LPP: variants seen among roughly 807,000 people sequenced by gnomAD.
The protein encoded by LPP is lipoma-preferred partner.
In LPP, 38 loss-of-function variants were observed where a neutral mutation model predicts 60.4. The ratio of observed to expected loss-of-function variants is 0.63; its 90% CI spans 0.49 to 0.83. The LOEUF (loss-of-function observed/expected upper bound fraction) is 0.83. LPP is among the 40% of genes least tolerant of loss of function. The probability of loss-of-function intolerance (pLI) is 0.00; values close to 1 mark genes in which losing one functional copy is unlikely to be tolerated. For missense variants in LPP, 902 were observed against 783.6 expected (o/e 1.15, Z -1.80); for synonymous variants, 328 against 290.8 (o/e 1.13, Z -1.30).
chr3:188,758,405 C>T (rs978375720), intron 8 of LPP, among the ~76,000 whole-genome samples: 1 of 152,124 alleles, frequency 6.6e-6, no homozygotes, highest in East Asian at 1.9e-4. Context: ...AGGTGATCCA[C>T]CCACCTCGGC....
rs537248469 is a variant in LPP at position 188,590,321 on chromosome 3, C to G, written c.430-18840C>G. ...GGCGCTGTGGCTCATGCCTGTAATC[C>G]CAGTACTTTGGGAGGCCGAGGCGGG... is the stretch of plus-strand genomic sequence containing the variant. On this transcript the variant is annotated intron_variant, in intron 6 of 11. Coordinates refer to ENST00000617246, the MANE Select transcript of LPP (RefSeq NM_001375462.1). Among the ~76,000 whole-genome samples, 15 of 152,132 alleles carry G rather than the reference C, an allele frequency of 9.9e-5. No individual in the cohort carries two copies. In the East Asian group the frequency reaches 2.5e-3, roughly 25 times the overall value.
At chr3:188,320,985 C>G (rs1756771927) in intron 2 of LPP, among the ~76,000 whole-genome samples, 1 of 152,140 alleles carries the variant, frequency 6.6e-6, no homozygotes, top group African/African-American at 2.4e-5. Context: ...AATCCTTGGT[C>G]CTGTTTGATT....
chr3:188,645,426 A>C (rs1850929397), intron 7 of LPP, among the ~76,000 whole-genome samples: 1 of 152,074 alleles, frequency 6.6e-6, no homozygotes, highest in South Asian at 2.1e-4. Flanking sequence ...CTTCTTCATA[A>C]ATATGATTTT....
intron 4 of LPP, among the ~76,000 whole-genome samples, chr3:188,479,336 A>T (rs1247092351): frequency 6.6e-6 from 1 of 152,216 alleles, no homozygotes; most frequent in East Asian, 1.9e-4. Flanking sequence ...TGTCACTGCC[A>T]GTGCAGCCCA....
chr3:188,293,593 A>G (rs1435149500), intron 2 of LPP, among the ~76,000 whole-genome samples: 1 of 152,188 alleles, frequency 6.6e-6, no homozygotes, highest in African/African-American at 2.4e-5. Context: ...CTATCAAAAC[A>G]CTTGCTATTA....
At chr3:188,332,330 A>T (rs1016592022) in intron 2 of LPP, among the ~76,000 whole-genome samples, 1 of 152,192 alleles carries the variant, frequency 6.6e-6, no homozygotes, top group Admixed American at 6.5e-5. Context: ...ATTGCATGTC[A>T]CTTAACTCCT....
At chr3:188,542,299 A>G (rs886476192) in intron 6 of LPP, among the ~76,000 whole-genome samples, 1 of 152,222 alleles carries the variant, frequency 6.6e-6, no homozygotes, top group Non-Finnish European at 1.5e-5. Flanking sequence ...ATAAAGCGCT[A>G]TACAAAGATT....
chr3:188,325,560 A>G (rs1046797384), intron 2 of LPP, among the ~76,000 whole-genome samples: 1 of 152,142 alleles, frequency 6.6e-6, no homozygotes, highest in Non-Finnish European at 1.5e-5. Context: ...GGTTCTCTAA[A>G]AGAGTGATTA....
At chr3:188,441,609 C>CTTTTT (rs1004222826) in intron 4 of LPP, among the ~76,000 whole-genome samples, 110 of 55,584 alleles carry the variant, frequency 2.0e-3, no homozygotes, top group African/African-American at 4.7e-3. Flanking sequence ...CTTTTCTTTT[C>CTTTTT]TTTTTTTTTT....
At chr3:188,805,524 ATT>A (rs34665745) in intron 9 of LPP, among the ~76,000 whole-genome samples, 1 of 148,546 alleles carries the variant, frequency 6.7e-6, no homozygotes, top group African/African-American at 2.5e-5. Context: ...GTTTGTTGTG[ATT>A]TTTTTTTCAC....
chr3:188,395,011 T>G (rs1780580566), intron 3 of LPP, among the ~76,000 whole-genome samples: 1 of 152,198 alleles, frequency 6.6e-6, no homozygotes, highest in South Asian at 2.1e-4. Flanking sequence ...ATAATTTCTC[T>G]AGGCTCTTGG....
intron 5 of LPP, among the ~76,000 whole-genome samples, chr3:188,498,156 T>G (rs1182322424): frequency 1.3e-5 from 2 of 152,158 alleles, no homozygotes; most frequent in Non-Finnish European, 2.9e-5. Flanking sequence ...CTATGTTCTT[T>G]TTTTTCCCCC....
At chr3:188,394,929 G>T (rs1395048818) in intron 3 of LPP, among the ~76,000 whole-genome samples, 3 of 152,036 alleles carry the variant, frequency 2.0e-5, no homozygotes, top group Non-Finnish European at 4.4e-5. Context: ...ATGTGAAATT[G>T]CAAAACTAGC....
chr3:188,774,518 G>A (rs1737102660), intron 9 of LPP, among the ~76,000 whole-genome samples: 1 of 151,886 alleles, frequency 6.6e-6, no homozygotes, highest in Non-Finnish European at 1.5e-5. Flanking sequence ...AGCACCCAAA[G>A]CAATACCTCT....
intron 1 of LPP, among the ~76,000 whole-genome samples, chr3:188,184,397 C>T (rs1725960949): frequency 6.6e-6 from 1 of 152,216 alleles, no homozygotes; most frequent in Non-Finnish European, 1.5e-5. Flanking sequence ...GAAAGATAAA[C>T]TATCCAGTGC....
chr3:188,647,609 CAG>C (rs1163970173), intron 7 of LPP, among the ~76,000 whole-genome samples: 4 of 152,226 alleles, frequency 2.6e-5, no homozygotes, highest in East Asian at 3.9e-4. Context: ...GGATGTGAGA[CAG>C]AGAGTGCATT....
chr3:188,301,198 C>T (rs1488341358), intron 2 of LPP, among the ~76,000 whole-genome samples: 1 of 151,632 alleles, frequency 6.6e-6, no homozygotes, highest in Non-Finnish European at 1.5e-5. Flanking sequence ...TTATATTTAT[C>T]TATTTGCCTA....
chr3:188,330,687 A>G (rs1373288280), intron 2 of LPP, among the ~76,000 whole-genome samples: 1 of 152,116 alleles, frequency 6.6e-6, no homozygotes, highest in East Asian at 1.9e-4. Flanking sequence ...ATGGTGGCCC[A>G]TGCCTGTAGC....
At chr3:188,786,093 G>T (rs1170852958) in intron 9 of LPP, among the ~76,000 whole-genome samples, 1 of 151,978 alleles carries the variant, frequency 6.6e-6, no homozygotes, top group Non-Finnish European at 1.5e-5. Flanking sequence ...TTAAACATCA[G>T]TGCAGGCTGG....
Sources: allele counts gnomAD v4.1 joint callset (sites outside exome capture counted in the v4.1 genomes callset), GRCh38; gene constraint gnomAD v4.1.1; transcripts MANE v1.5; gene names NCBI Gene and HGNC (gene_info 2026-07-23, HGNC 2026-07-21).